Variants in RARB observed in about 807,000 individuals in gnomAD.
RARB encodes the protein retinoic acid receptor beta.
RARB carries 17 observed loss-of-function variants against 51.9 expected under a neutral mutation model. The ratio of observed to expected loss-of-function variants is 0.33; its 90% CI spans 0.22 to 0.49. The LOEUF (loss-of-function observed/expected upper bound fraction) is 0.49. Ranked by LOEUF, RARB falls within the 20% of genes least tolerant of loss-of-function variation. The probability of loss-of-function intolerance (pLI) is 0.99; values close to 1 mark genes in which losing one functional copy is unlikely to be tolerated. For missense variants in RARB, 369 were observed against 550.8 expected, an observed-to-expected ratio of 0.67 and a Z score of 3.30; for synonymous variants, 215 against 195.4, an observed-to-expected ratio of 1.10 and a Z score of -0.84.
intron 2 of RARB, among the ~76,000 whole-genome samples, chr3:24,861,747 T>A (rs1441816576): frequency 6.6e-6 from 1 of 152,166 alleles, no homozygotes; most frequent in African/African-American, 2.4e-5. Context: ...TGCAGTGATA[T>A]CACACGTCAT....
At chr3:25,003,845 C>T (rs911974120) in intron 2 of RARB, among the ~76,000 whole-genome samples, 4 of 152,020 alleles carry the variant, frequency 2.6e-5, no homozygotes, top group Non-Finnish European at 1.5e-5. Flanking sequence ...CTGATGGGAT[C>T]TTTATTACTG....
chr3:25,033,034 C>T (rs1697908250), intron 2 of RARB, among the ~76,000 whole-genome samples: 1 of 152,186 alleles, frequency 6.6e-6, no homozygotes, highest in Non-Finnish European at 1.5e-5. Flanking sequence ...TACTCAATTT[C>T]TAAAATAATC....
At chr3:25,411,260 A>G (rs1242092563) in intron 5 of RARB, among the ~76,000 whole-genome samples, 3 of 152,248 alleles carry the variant, frequency 2.0e-5, no homozygotes, top group African/African-American at 4.8e-5. Flanking sequence ...ACCTTTTTGT[A>G]GAACTGGCAT....
At chr3:24,945,016 C>G (rs1695744274) in intron 2 of RARB, among the ~76,000 whole-genome samples, 1 of 152,190 alleles carries the variant, frequency 6.6e-6, no homozygotes, top group Non-Finnish European at 1.5e-5. Context: ...CATGTGCGCC[C>G]TTCCAGTTGG....
At chr3:25,559,671 GTTAA>G (rs555718890) in intron 3 of RARB, among the ~76,000 whole-genome samples, 144 of 152,324 alleles carry the variant, frequency 9.5e-4, no homozygotes, top group African/African-American at 3.3e-3. Context: ...TGGGTGGATG[GTTAA>G]TTGGTTGGAT....
intron 2 of RARB, among the ~76,000 whole-genome samples, chr3:24,949,495 G>A (rs922382347): frequency 1.3e-5 from 2 of 152,180 alleles, no homozygotes; most frequent in Non-Finnish European, 2.9e-5. Flanking sequence ...GGTTTGTAAT[G>A]TGATTTCACA....
intron 2 of RARB, among the ~76,000 whole-genome samples, chr3:24,928,221 A>G (rs571588590): frequency 6.6e-6 from 1 of 152,074 alleles, no homozygotes; most frequent in East Asian, 1.9e-4. Flanking sequence ...AGTATCATAA[A>G]TGAAGGGGTT....
intron 2 of RARB, among the ~76,000 whole-genome samples, chr3:24,912,972 ATTC>A (rs1213265913): frequency 5.2e-5 from 3 of 57,636 alleles, no homozygotes; most frequent in South Asian, 1.4e-3. Context: ...CAAGGTACTG[ATTC>A]TTTTTTTTTT....
chr3:25,390,730 CTT>C (rs1706928509), intron 5 of RARB, among the ~76,000 whole-genome samples: 1 of 152,086 alleles, frequency 6.6e-6, no homozygotes, highest in Non-Finnish European at 1.5e-5. Flanking sequence ...AAAAATTACT[CTT>C]TTGGGATATT....
chr3:25,343,833 G>T (rs577412904), intron 5 of RARB, among the ~76,000 whole-genome samples: 1 of 152,210 alleles, frequency 6.6e-6, no homozygotes, highest in South Asian at 2.1e-4. Flanking sequence ...TGCTGTTTTC[G>T]ATCGTAAGTC....
chr3:24,969,155 C>T (rs761817427), intron 2 of RARB, among the ~76,000 whole-genome samples: 5 of 152,074 alleles, frequency 3.3e-5, no homozygotes, highest in African/African-American at 4.8e-5. Context: ...ATAAATATTA[C>T]ATAAATGTAG....
intron 4 of RARB, among the ~76,000 whole-genome samples, chr3:25,146,503 G>GTTTTTTTTTT (rs1364462708): frequency 7.7e-4 from 57 of 73,586 alleles, no homozygotes; most frequent in African/African-American, 1.4e-3. Context: ...TTTTTTGTTT[G>GTTTTTTTTTT]TTTGTTTGTT....
intron 2 of RARB, among the ~76,000 whole-genome samples, chr3:24,912,009 A>G (rs1259367040): frequency 2.0e-5 from 3 of 152,150 alleles, no homozygotes; most frequent in African/African-American, 7.2e-5. Flanking sequence ...GTGCAATGAT[A>G]AAAAAACATG....
At chr3:25,519,988 T>A (rs922157796) in intron 3 of RARB, among the ~76,000 whole-genome samples, 1 of 152,218 alleles carries the variant, frequency 6.6e-6, no homozygotes, top group Non-Finnish European at 1.5e-5. Context: ...AAGACCATAA[T>A]CAGGGGTCAG....
At chr3:25,318,797 T>C (rs928700493) in intron 5 of RARB, among the ~76,000 whole-genome samples, 2 of 152,176 alleles carry the variant, frequency 1.3e-5, no homozygotes, top group Admixed American at 6.5e-5. Flanking sequence ...CCTGAAACTC[T>C]CTCATGACCT....
intron 5 of RARB, among the ~76,000 whole-genome samples, chr3:25,236,537 A>T (rs1175989375): frequency 6.6e-6 from 1 of 152,138 alleles, no homozygotes; most frequent in Non-Finnish European, 1.5e-5. Flanking sequence ...GAAGGAATTG[A>T]ACATGGGATC....
chr3:25,091,454 C>A (rs939731065), intron 3 of RARB, among the ~76,000 whole-genome samples: 1 of 152,156 alleles, frequency 6.6e-6, no homozygotes, highest in Non-Finnish European at 1.5e-5. Flanking sequence ...TAGGAAATAG[C>A]GGCTTCTGAA....
intron 2 of RARB, among the ~76,000 whole-genome samples, chr3:25,035,732 C>A (rs1431148996): frequency 1.3e-5 from 2 of 152,152 alleles, no homozygotes; most frequent in Non-Finnish European, 2.9e-5. Context: ...CAGCTCTGCC[C>A]TTGTAGTATG....
intron 2 of RARB, among the ~76,000 whole-genome samples, chr3:25,041,736 A>G (rs1698118954): frequency 6.6e-6 from 1 of 152,132 alleles, no homozygotes; most frequent in Admixed American, 6.5e-5. Context: ...CCTAATGCCA[A>G]CTAGTATAAA....
Sources: gnomAD v4.1 joint callset for allele counts (sites outside exome capture counted in the v4.1 genomes callset) on GRCh38, gnomAD v4.1.1 for gene constraint, MANE v1.5 for transcripts, NCBI Gene and HGNC (gene_info 2026-07-23, HGNC 2026-07-21) for gene names.